Variants in ADAM32 observed in about 807,000 individuals in gnomAD.
The protein encoded by ADAM32 is ADAM metallopeptidase domain 32.
ADAM32 carries 89 observed loss-of-function variants against 114.9 expected under a neutral mutation model. That is an observed-to-expected ratio of 0.77 (90% confidence interval 0.65 to 0.92). ADAM32 has a LOEUF of 0.92. Among genes scored for constraint, ADAM32 ranks in the 40% least tolerant of loss-of-function variants. The pLI, the probability that ADAM32 is intolerant of heterozygous loss-of-function variation, is 0.00. For missense variants in ADAM32, 870 were observed against 932.8 expected (o/e 0.93, Z 0.88); for synonymous variants, 285 against 307.5 (o/e 0.93, Z 0.77).
In ADAM32 at chr8:39,236,907, A is replaced by G. The variant is rs533874041; in HGVS notation, c.1818+2825A>G. Among the ~76,000 whole-genome samples the G allele has an allele frequency of 2.6e-5, 4 of 152,344 alleles. No homozygotes were observed. In the East Asian group the frequency reaches 7.7e-4, roughly 29 times the overall value. On this transcript the variant is annotated intron_variant, in intron 16 of 24. Transcript: ENST00000379907. ...GGATGGACAGCGTGTGGAGACTCAC[A>G]TTATGAACTTTTGCTGCAAGAACCA... is the stretch of plus-strand genomic sequence containing the variant.
intron 12 of ADAM32, among the ~76,000 whole-genome samples, chr8:39,212,362 C>A (rs1233704069): frequency 1.3e-5 from 2 of 152,066 alleles, no homozygotes; most frequent in African/African-American, 2.4e-5. Flanking sequence ...AATCCACATA[C>A]AATAAAATGC....
At chr8:39,271,040 G>C (rs1251461354) in intron 20 of ADAM32, 126 bp downstream of exon 20, 3 of 763,026 alleles carry the variant, frequency 3.9e-6, no homozygotes, top group Non-Finnish European at 6.4e-6. Context: ...AATCCAGACT[G>C]CTAATATATA....
chr8:39,170,025 A>AT, intron 10 of ADAM32, 28 bp downstream of exon 10: 1 of 1,454,414 alleles, frequency 6.9e-7, no homozygotes, highest in Non-Finnish European at 9.5e-7. Flanking sequence ...CTTATTTTTT[A>AT]AATTAACACG....
chr8:39,203,455 C>T (rs992874693), intron 11 of ADAM32, among the ~76,000 whole-genome samples: 1 of 152,072 alleles, frequency 6.6e-6, no homozygotes, highest in African/African-American at 2.4e-5. Context: ...GATCGCAACC[C>T]CTGCCTTTTT....
intron 11 of ADAM32, among the ~76,000 whole-genome samples, chr8:39,191,229 T>G (rs1290415510): frequency 1.3e-5 from 2 of 152,228 alleles, no homozygotes; most frequent in African/African-American, 4.8e-5. Flanking sequence ...TGCGTGAGTC[T>G]TTATGATAGA....
At position 39,196,851 on chromosome 8, in the gene ADAM32, C is replaced by A. The variant is rs985951347; in HGVS notation, c.1052+9806C>A. Among the ~76,000 whole-genome samples the A allele has an allele frequency of 6.6e-5, 10 of 151,934 alleles. No individual in the cohort carries two copies. The East Asian group carries it at 1.9e-3, about 29-fold the overall frequency. ...TTCCTATCAGGGTAATGCTGGCCTC[C>A]CTCAAGACTGAGTTAGTGAGAATTT... is the stretch of plus-strand genomic sequence containing the variant. On this transcript the variant is annotated intron_variant, in intron 11 of 24. Coordinates refer to ENST00000379907, the MANE Select transcript of ADAM32 (RefSeq NM_145004.7).
At chr8:39,184,449 G>C (rs1407658508) in intron 10 of ADAM32, among the ~76,000 whole-genome samples, 1 of 152,186 alleles carries the variant, frequency 6.6e-6, no homozygotes, top group African/African-American at 2.4e-5. Context: ...TTTACTGTTA[G>C]ATGAACTTGA....
At chr8:39,157,938 G>A (rs1804240295) in intron 6 of ADAM32, 4 of 366,298 alleles carry the variant, frequency 1.1e-5, no homozygotes, top group East Asian at 5.9e-5. Flanking sequence ...CCACAGAGAA[G>A]GTCATATGGG....
At chr8:39,169,794 G>T (rs1320902768) in intron 9 of ADAM32, 122 bp from the exon 10 acceptor site, 3 of 636,008 alleles carry the variant, frequency 4.7e-6, no homozygotes, top group Non-Finnish European at 7.9e-6. Flanking sequence ...CATATGGAAA[G>T]ATCATACCTC....
chr8:39,279,413 A>G (rs187616265), intron 22 of ADAM32, among the ~76,000 whole-genome samples: 39 of 152,270 alleles, frequency 2.6e-4, no homozygotes, highest in Admixed American at 1.2e-3. Flanking sequence ...CCTACCAAGT[A>G]GCTGGGCTTA....
intron 1 of ADAM32, among the ~76,000 whole-genome samples, chr8:39,111,251 T>C (rs1157116873): frequency 6.6e-6 from 1 of 152,232 alleles, no homozygotes; most frequent in African/African-American, 2.4e-5. Context: ...CTCTTGGATA[T>C]GTACTTACAA....
At position 39,254,527 on chromosome 8, in the gene ADAM32, G is replaced by A. The variant is rs1307985419; in HGVS notation, c.2005+11G>A. ...CTGAGGAAGATATGGGCAAGTATTT[G>A]TCTCTTTAAATACCCATTTAATAAA... On this transcript the variant is annotated intron_variant, in intron 18 of 24. Transcript: ENST00000379907. 8.5e-6 allele frequency: 13 copies of A among 1,536,194 alleles called. No homozygotes were observed. Among genetic ancestry groups the A allele is most frequent in the Middle Eastern group, 1.7e-4 (1 of 5,946 alleles).
At chr8:39,228,224 T>C (rs1396968773) in intron 14 of ADAM32, among the ~76,000 whole-genome samples, 1 of 152,092 alleles carries the variant, frequency 6.6e-6, no homozygotes, top group Non-Finnish European at 1.5e-5. Flanking sequence ...GCTACTCAAA[T>C]GAGAAGGAAC....
At chr8:39,265,594 G>A (rs959329557) in intron 19 of ADAM32, among the ~76,000 whole-genome samples, 5 of 152,168 alleles carry the variant, frequency 3.3e-5, no homozygotes, top group African/African-American at 1.2e-4. Context: ...GTGTCAGGGG[G>A]CTATGCGTGT....
At chr8:39,258,420 C>T (rs1463645910) in intron 19 of ADAM32, among the ~76,000 whole-genome samples, 1 of 151,708 alleles carries the variant, frequency 6.6e-6, no homozygotes, top group African/African-American at 2.4e-5. Flanking sequence ...CCTTTATACT[C>T]TCCAGTTTTT....
intron 11 of ADAM32, among the ~76,000 whole-genome samples, chr8:39,192,743 A>T (rs1383770904): frequency 6.6e-6 from 1 of 152,104 alleles, no homozygotes; most frequent in African/African-American, 2.4e-5. Flanking sequence ...TGCTTGTCTG[A>T]AAAGGATCTT....
At chr8:39,233,097 C>T (rs768083382) in intron 15 of ADAM32, among the ~76,000 whole-genome samples, 1 of 151,944 alleles carries the variant, frequency 6.6e-6, no homozygotes, top group Non-Finnish European at 1.5e-5. Context: ...GAATACGGAC[C>T]CCAAGAGAGG....
intron 9 of ADAM32, chr8:39,166,711 A>AT (rs1804860925): frequency 6.6e-6 from 1 of 151,904 alleles, no homozygotes; most frequent in South Asian, 2.1e-4. Flanking sequence ...CTGTTTTTTG[A>AT]TTTTTTGATT....
intron 21 of ADAM32, 113 bp downstream of exon 21, chr8:39,274,463 A>T: frequency 8.4e-7 from 1 of 1,188,352 alleles, no homozygotes; most frequent in East Asian, 2.5e-5. Context: ...AAAGCAATGC[A>T]CTAAAATCCA....
Sources: gnomAD v4.1 joint callset for allele counts (sites outside exome capture counted in the v4.1 genomes callset) on GRCh38, gnomAD v4.1.1 for gene constraint, MANE v1.5 for transcripts, NCBI Gene and HGNC (gene_info 2026-07-23, HGNC 2026-07-21) for gene names.